Variants in COL24A1 observed in about 807,000 individuals in gnomAD.
COL24A1 encodes collagen type XXIV alpha 1 chain, also known as collagen alpha-1(XXIV) chain.
In COL24A1, 224 loss-of-function variants were observed where a neutral mutation model predicts 253.9. That is an observed-to-expected ratio of 0.88 (90% CI 0.79 to 0.99). The LOEUF (loss-of-function observed/expected upper bound fraction) is 0.99, where lower values mean the gene tolerates loss of function less well. Among genes scored for constraint, COL24A1 ranks in the 50% least tolerant of loss-of-function variants. The pLI, the probability that COL24A1 is intolerant of heterozygous loss-of-function variation, is 0.00. For synonymous variants in COL24A1, 685 were observed against 673.7 expected, an observed-to-expected ratio of 1.02 and a Z score of -0.26; for missense variants, 2,131 against 2,068.5, an observed-to-expected ratio of 1.03 and a Z score of -0.59.
At chr1:86,120,621 T>A (rs1337697290) in intron 3 of COL24A1, among the ~76,000 whole-genome samples, 1 of 152,156 alleles carries the variant, frequency 6.6e-6, no homozygotes, top group Non-Finnish European at 1.5e-5. Context: ...AGAATGGCGA[T>A]CATTAAAAAG....
chr1:85,998,408 T>A (rs1416578457), intron 19 of COL24A1, among the ~76,000 whole-genome samples: 2 of 152,224 alleles, frequency 1.3e-5, no homozygotes, highest in Admixed American at 1.3e-4. Flanking sequence ...TTATTTTATA[T>A]CCATACACAA....
intron 51 of COL24A1, 88 bp downstream of exon 51, chr1:85,783,408 A>G: frequency 9.8e-7 from 1 of 1,021,938 alleles, no homozygotes; most frequent in South Asian, 1.5e-5. Context: ...TAAGTTATTT[A>G]CTTGAAGTAC....
intron 18 of COL24A1, among the ~76,000 whole-genome samples, chr1:86,020,061 C>CTTTTTTTTTTT (rs10582249): frequency 6.8e-5 from 7 of 102,632 alleles, no homozygotes; most frequent in South Asian, 3.9e-4. Context: ...TTCATTCTTT[C>CTTTTTTTTTTT]TTTTTTTTTT....
chr1:85,910,435 A>T (rs1004153184), intron 25 of COL24A1, among the ~76,000 whole-genome samples: 44 of 152,042 alleles, frequency 2.9e-4, no homozygotes, highest in African/African-American at 9.1e-4. Context: ...TCTGCCTACC[A>T]CAATTAAGTG....
intron 2 of COL24A1, among the ~76,000 whole-genome samples, chr1:86,132,381 T>G (rs1649391898): frequency 6.6e-6 from 1 of 152,200 alleles, no homozygotes; most frequent in African/African-American, 2.4e-5. Context: ...TAGATCCCAT[T>G]TGTCAATTTT....
At chr1:85,809,748 GAT>G (rs774837020) in intron 47 of COL24A1, among the ~76,000 whole-genome samples, 1 of 146,718 alleles carries the variant, frequency 6.8e-6, no homozygotes, top group Admixed American at 6.8e-5. Flanking sequence ...TTATTATGGA[GAT>G]ATATATATAT....
chr1:85,907,387 A>G (rs1684945129), intron 27 of COL24A1, 140 bp from the exon 28 acceptor site: 1 of 661,064 alleles, frequency 1.5e-6, no homozygotes, highest in Non-Finnish European at 2.6e-6. Context: ...ATATGCTTTA[A>G]TCACACTGCC....
At chr1:85,863,279 T>C (rs560480666) in intron 37 of COL24A1, among the ~76,000 whole-genome samples, 1 of 152,296 alleles carries the variant, frequency 6.6e-6, no homozygotes, top group East Asian at 1.9e-4. Flanking sequence ...CAATTTGACT[T>C]CCTCTTTTCC....
chr1:86,058,019 TAA>T, intron 9 of COL24A1, 44 bp from the exon 10 acceptor site: 2 of 1,515,754 alleles, frequency 1.3e-6, no homozygotes, highest in Non-Finnish European at 1.8e-6. Context: ...CAGTACTTTT[TAA>T]AGAGTTAATA....
intron 42 of COL24A1, among the ~76,000 whole-genome samples, chr1:85,839,670 C>T (rs962913227): frequency 6.6e-5 from 10 of 151,684 alleles, no homozygotes; most frequent in Non-Finnish European, 1.5e-4. Flanking sequence ...TTTGAGGCTG[C>T]AGTGAGCCAG....
At chr1:85,833,097 T>A (rs1675535532) in intron 43 of COL24A1, among the ~76,000 whole-genome samples, 1 of 152,108 alleles carries the variant, frequency 6.6e-6, no homozygotes, top group Non-Finnish European at 1.5e-5. Context: ...TTGAGATACG[T>A]CCCATCAATA....
At chr1:85,775,825 T>G in intron 52 of COL24A1, 116 bp from the exon 53 acceptor site, 1 of 767,632 alleles carries the variant, frequency 1.3e-6, no homozygotes, top group Non-Finnish European at 2.1e-6. Flanking sequence ...TTCTATATAG[T>G]AAGACCTGTT....
chr1:85,813,573 C>T (rs575448335), intron 47 of COL24A1, among the ~76,000 whole-genome samples: 88 of 95,194 alleles, frequency 9.2e-4, no homozygotes, highest in African/African-American at 3.6e-3. Flanking sequence ...TTTTTTGAGA[C>T]GGAGTCTCGC....
At chr1:86,083,366 T>C (rs2101919726) in intron 7 of COL24A1, among the ~76,000 whole-genome samples, 1 of 151,452 alleles carries the variant, frequency 6.6e-6, no homozygotes, top group South Asian at 2.1e-4. Context: ...TATATATAGT[T>C]GATATATATA....
At chr1:85,921,222 C>T (rs2103007022) in intron 24 of COL24A1, among the ~76,000 whole-genome samples, 1 of 152,326 alleles carries the variant, frequency 6.6e-6, no homozygotes, top group African/African-American at 2.4e-5. Flanking sequence ...AATCGGGACA[C>T]TCCTGCCCAA....
At chr1:85,757,282 A>G (rs74565295) in intron 55 of COL24A1, among the ~76,000 whole-genome samples, 5,528 of 152,268 alleles carry the variant, frequency 0.036, 115 homozygotes, top group Middle Eastern at 0.082. Context: ...AAACTATCCT[A>G]CTTCTGGCAA....
intron 47 of COL24A1, among the ~76,000 whole-genome samples, chr1:85,811,462 T>G (rs530587654): frequency 1.3e-5 from 2 of 152,298 alleles, no homozygotes; most frequent in Non-Finnish European, 2.9e-5. Flanking sequence ...TACCCAGAAG[T>G]GGACTTGCTG....
chr1:85,731,555 C>G (rs1466515269), intron 59 of COL24A1, among the ~76,000 whole-genome samples: 1 of 152,110 alleles, frequency 6.6e-6, no homozygotes, highest in Admixed American at 6.5e-5. Flanking sequence ...TAGATTCATT[C>G]ATTAAGTCTT....
rs1416154933 is a variant in COL24A1, at chr1:85,841,955, A to C, written c.3570+113T>G. On this transcript the variant is annotated intron_variant, in intron 41 of 59. Transcript: ENST00000370571. ...TTCTTCCAGAATTAGTAAAATTTTCAACTTTAAAAGTGCTTCTTTTATTCC... is the reference window on the plus strand; with the variant it reads ...TTCTTCCAGAATTAGTAAAATTTTCCACTTTAAAAGTGCTTCTTTTATTCC... 6.0e-6 allele frequency: 5 copies of C among 826,666 alleles called. No homozygotes were observed. In the East Asian group the frequency reaches 1.3e-4, roughly 21 times the overall value. 51.2% of individuals were successfully genotyped at this position (826,666 alleles called of 1,614,324 possible).
Sources: allele counts gnomAD v4.1 joint callset (sites outside exome capture counted in the v4.1 genomes callset), GRCh38; gene constraint gnomAD v4.1.1; transcripts MANE v1.5; gene names NCBI Gene and HGNC (gene_info 2026-07-23, HGNC 2026-07-21).